The following LIMA1 variants were observed in gnomAD, a reference collection of about 807,000 sequenced individuals.
LIMA1 encodes the protein LIM domain and actin-binding protein 1.
LIMA1 carries 52 observed loss-of-function variants against 62.6 expected under a neutral mutation model. The ratio of observed to expected loss-of-function variants is 0.83; its 90% CI spans 0.67 to 1.05. The LOEUF is 1.05. Among genes scored for constraint, LIMA1 ranks in the 50% least tolerant of loss-of-function variants. The pLI is 0.00. For missense variants in LIMA1, 780 were observed against 902.2 expected (o/e 0.86, Z 1.74); for synonymous variants, 302 against 317.8 (o/e 0.95, Z 0.53).
chr12:50,189,455 T>C (rs111698847), intron 9 of LIMA1: 8 of 152,304 alleles, frequency 5.3e-5, no homozygotes, highest in African/African-American at 1.7e-4. Context: ...TTCTATTTAT[T>C]GAGTTTCTCT....
chr12:50,271,867 C>T (rs1366907120), intron 1 of LIMA1, among the ~76,000 whole-genome samples: 4 of 152,130 alleles, frequency 2.6e-5, no homozygotes, highest in Admixed American at 1.3e-4. Context: ...AAAGGCCCAC[C>T]TACATAACTG....
chr12:50,200,259 A>C (rs1373091086), intron 7 of LIMA1, among the ~76,000 whole-genome samples: 1 of 150,978 alleles, frequency 6.6e-6, no homozygotes, highest in Non-Finnish European at 1.5e-5. Context: ...CCCAGGCTGG[A>C]GTGCAGTGCA....
In LIMA1 at chr12:50,182,487, G is replaced by T. The variant is rs138469310; in HGVS notation, c.1141-450C>A. Among the ~76,000 whole-genome samples, 628 of 152,270 alleles carry T rather than the reference G, an allele frequency of 4.1e-3. 6 individuals carry two copies. The highest frequency in any genetic ancestry group is 0.014 in the African/African-American group (592 of 41,552). ...ATTTCAAGGAGAGGAAGAGCATTTG[G>T]CTTTGGGAATTAGGAAAGACATTTC... On this transcript the variant is annotated intron_variant, in intron 9 of 10. Coordinates refer to ENST00000341247, the MANE Select transcript of LIMA1 (RefSeq NM_016357.5).
intron 1 of LIMA1, among the ~76,000 whole-genome samples, chr12:50,254,601 G>A (rs1941969676): frequency 6.6e-6 from 1 of 152,138 alleles, no homozygotes; most frequent in South Asian, 2.1e-4. Flanking sequence ...CTCGAACAAA[G>A]GTCCTTGAAA....
At chr12:50,247,049 T>C (rs1941859917) in intron 2 of LIMA1, among the ~76,000 whole-genome samples, 1 of 152,136 alleles carries the variant, frequency 6.6e-6, no homozygotes, top group African/African-American at 2.4e-5. Flanking sequence ...GGTGGGAGGA[T>C]TGCTTGAGCC....
chr12:50,268,425 C>T (rs1942165745), intron 1 of LIMA1, among the ~76,000 whole-genome samples: 1 of 152,040 alleles, frequency 6.6e-6, no homozygotes, highest in South Asian at 2.1e-4. Context: ...AGACCCAGAC[C>T]CTAAACGCTC....
At chr12:50,185,347 G>A (rs1328537988) in intron 9 of LIMA1, 1 of 456,054 alleles carries the variant, frequency 2.2e-6, no homozygotes, top group Non-Finnish European at 4.4e-6. Context: ...CCAGGGAACA[G>A]AAGGAAAGGA....
chr12:50,221,614 T>G (rs896234353), intron 4 of LIMA1, among the ~76,000 whole-genome samples: 3 of 152,202 alleles, frequency 2.0e-5, no homozygotes, highest in African/African-American at 7.2e-5. Flanking sequence ...AGCCTCAGTC[T>G]TAATGTTAAA....
At chr12:50,182,939 C>T (rs1292724528) in intron 9 of LIMA1, among the ~76,000 whole-genome samples, 1 of 152,182 alleles carries the variant, frequency 6.6e-6, no homozygotes, top group Non-Finnish European at 1.5e-5. Context: ...TGCGGTGGCT[C>T]ATGCTTGTAA....
intron 1 of LIMA1, among the ~76,000 whole-genome samples, chr12:50,268,112 T>C (rs1328817824): frequency 6.6e-6 from 1 of 152,186 alleles, no homozygotes; most frequent in Non-Finnish European, 1.5e-5. Context: ...CTGATTCTTA[T>C]CCAGATCTCA....
intron 4 of LIMA1, among the ~76,000 whole-genome samples, chr12:50,212,291 A>G (rs1301867294): frequency 1.3e-5 from 2 of 152,164 alleles, no homozygotes; most frequent in African/African-American, 4.8e-5. Flanking sequence ...ACTTCCTTCA[A>G]CCTTTCAACT....
intron 4 of LIMA1, chr12:50,217,812 G>A: frequency 3.4e-6 from 1 of 295,558 alleles, no homozygotes; most frequent in South Asian, 3.4e-5. Flanking sequence ...TCCAGCCTGG[G>A]AAGTACACAG....
chr12:50,210,694 C>T (rs1049854560), intron 4 of LIMA1, among the ~76,000 whole-genome samples: 23 of 152,128 alleles, frequency 1.5e-4, no homozygotes, highest in Admixed American at 7.9e-4. Context: ...TGGTTTTAAA[C>T]GCATAAAATT....
chr12:50,211,623 C>A (rs998289693), intron 4 of LIMA1, among the ~76,000 whole-genome samples: 1 of 151,948 alleles, frequency 6.6e-6, no homozygotes, highest in South Asian at 2.1e-4. Flanking sequence ...CCAGCCTGGA[C>A]GATATAACAA....
At position 50,177,362 on chromosome 12, in the gene LIMA1, T is replaced by A; in HGVS notation, c.1982A>T (p.Glu661Val). Residue 661 changes from glutamate (E) to valine (V), a missense_variant, in exon 11 of 11, where the codon GAG becomes GTG. Glu to Val is a moderately radical substitution (Grantham distance 121). Coordinates refer to ENST00000341247, the MANE Select transcript of LIMA1 (RefSeq NM_016357.5). ...TTWQNKESKGETGKRSKEGHS... is the reference protein window; with the variant it reads ...TTWQNKESKGVTGKRSKEGHS... ...ACCTTCCTTACTTCTCTTCCCTGTCTCTCCTTTAGATTCTTTGTTTTGCCA... is the reference window on the plus strand; with the variant it reads ...ACCTTCCTTACTTCTCTTCCCTGTCACTCCTTTAGATTCTTTGTTTTGCCA... The A allele has an allele frequency of 6.2e-7, 1 of 1,614,214 alleles. No individual in the cohort carries two copies. Among genetic ancestry groups the A allele is most frequent in the Non-Finnish European group, 8.5e-7 (1 of 1,180,042 alleles).
intron 1 of LIMA1, among the ~76,000 whole-genome samples, chr12:50,260,440 C>T (rs555309570): frequency 2.0e-5 from 3 of 152,298 alleles, no homozygotes; most frequent in South Asian, 2.1e-4. Flanking sequence ...TGAGCCACCA[C>T]GCCCAGCCCA....
At chr12:50,214,024 C>CCACACA (rs10632810) in intron 4 of LIMA1, among the ~76,000 whole-genome samples, 3,409 of 104,554 alleles carry the variant, frequency 0.033, 104 homozygotes, top group African/African-American at 0.071. Flanking sequence ...TATTATCTTA[C>CCACACA]CACACACACA....
intron 2 of LIMA1, among the ~76,000 whole-genome samples, chr12:50,240,257 A>T (rs543354080): frequency 1.3e-5 from 2 of 152,262 alleles, no homozygotes; most frequent in East Asian, 1.9e-4. Context: ...CTAGTGTTGC[A>T]GAAGCTCACT....
chr12:50,180,492 G>A lies in LIMA1; in HGVS notation c.1274+1412C>T, dbSNP rs1422545696. 2.0e-5 allele frequency among the ~76,000 whole-genome samples: 3 copies of A among 151,758 alleles called. No individual in the cohort carries two copies. In the East Asian group the frequency reaches 5.8e-4, roughly 29 times the overall value. ...TCCATCTCAAAAAGAAAAACCAGAT[G>A]GGGTCTCTCTATGTTACCCAGGCTA... On this transcript the variant is annotated intron_variant, in intron 10 of 10. Transcript: ENST00000341247.
Sources: gnomAD v4.1 joint callset for allele counts (sites outside exome capture counted in the v4.1 genomes callset) on GRCh38, gnomAD v4.1.1 for gene constraint, MANE v1.5 for transcripts, NCBI Gene and HGNC (gene_info 2026-07-23, HGNC 2026-07-21) for gene names.